Variants in SI observed in about 807,000 individuals in gnomAD.
SI encodes sucrase-isomaltase.
Under a neutral mutation model 253.3 loss-of-function variants are expected in SI, and 235 were observed. The observed-to-expected ratio is 0.93, with a 90% confidence interval of 0.83 to 1.03. SI has a LOEUF of 1.03. Among genes scored for constraint, SI ranks in the 50% least tolerant of loss-of-function variants. The probability of loss-of-function intolerance (pLI) is 0.00; values close to 1 mark genes in which losing one functional copy is unlikely to be tolerated. For synonymous variants in SI, 819 were observed against 712.0 expected (o/e 1.15, Z -2.39); for missense variants, 2,442 against 2,211.1 (o/e 1.10, Z -2.09).
upstream of SI, among the ~76,000 whole-genome samples, chr3:165,079,022 T>C (rs1474896601): frequency 2.0e-5 from 3 of 151,632 alleles, no homozygotes; most frequent in African/African-American, 7.3e-5. Context: ...GGTGCCCAGA[T>C]CAGTAATTTA....
chr3:165,066,015 G>C (rs1437938338), intron 6 of SI, among the ~76,000 whole-genome samples: 3 of 151,790 alleles, frequency 2.0e-5, no homozygotes, highest in African/African-American at 7.3e-5. Context: ...ATATCTGTGA[G>C]TTCTGAATTC....
At chr3:165,027,769 C>T (rs916536950) in intron 25 of SI, among the ~76,000 whole-genome samples, 9 of 149,632 alleles carry the variant, frequency 6.0e-5, no homozygotes, top group African/African-American at 1.9e-4. Flanking sequence ...TCAGCAAAAT[C>T]GGCAAACAAG....
At chr3:164,994,155 A>G in intron 41 of SI, 102 bp downstream of exon 41, 1 of 1,047,844 alleles carries the variant, frequency 9.5e-7, no homozygotes, top group Non-Finnish European at 1.4e-6. Context: ...CAATGGAAAA[A>G]CTGCCAATCT....
intron 1 of SI, among the ~76,000 whole-genome samples, chr3:165,076,445 C>T (rs73163481): frequency 2.7e-3 from 405 of 151,848 alleles, no homozygotes; most frequent in Admixed American, 3.4e-3. Flanking sequence ...TTTTACTGAT[C>T]AGGAACTTTA....
At chr3:165,042,889 T>C (rs1712917446) in intron 17 of SI, among the ~76,000 whole-genome samples, 170 bp downstream of exon 17, 1 of 152,070 alleles carries the variant, frequency 6.6e-6, no homozygotes, top group African/African-American at 2.4e-5. Flanking sequence ...TTTTAAAAAA[T>C]GTAAAAATAT....
At chr3:165,030,474 A>G (rs994111310) in intron 25 of SI, among the ~76,000 whole-genome samples, 2 of 150,934 alleles carry the variant, frequency 1.3e-5, no homozygotes, top group African/African-American at 4.8e-5. Context: ...ACATTATCCA[A>G]AGTTCCTGGA....
intron 25 of SI, among the ~76,000 whole-genome samples, chr3:165,029,564 T>G (rs554331295): frequency 2.5e-3 from 242 of 96,096 alleles, no homozygotes; most frequent in Non-Finnish European, 4.6e-3. Flanking sequence ...ATAAAAAAAC[T>G]GTGGTGTATA....
intron 16 of SI, among the ~76,000 whole-genome samples, chr3:165,044,289 C>A (rs777664483): frequency 1.3e-5 from 2 of 151,850 alleles, no homozygotes; most frequent in African/African-American, 4.8e-5. Context: ...AAAACATATT[C>A]TTATTCTATG....
intron 40 of SI, 103 bp from the exon 41 acceptor site, chr3:164,994,508 T>C: frequency 1.7e-6 from 2 of 1,190,138 alleles, no homozygotes; most frequent in Non-Finnish European, 2.5e-6. Context: ...ATGATATTAA[T>C]TGATTGTCAT....
chr3:165,024,722 TTTTA>T (rs1241940594), intron 25 of SI, among the ~76,000 whole-genome samples: 1 of 151,280 alleles, frequency 6.6e-6, no homozygotes, highest in Non-Finnish European at 1.5e-5. Context: ...CATAAACTGA[TTTTA>T]TTTTTCTCAT....
the SI span, among the ~76,000 whole-genome samples, chr3:165,084,096 G>C: frequency 1.7e-4 from 26 of 152,090 alleles, no homozygotes; most frequent in South Asian, 5.2e-3. Context: ...TTAGGTCATT[G>C]AGATGGAGCT....
intron 12 of SI, 31 bp from the exon 13 acceptor site, chr3:165,055,338 T>G: frequency 3.6e-6 from 4 of 1,118,050 alleles, no homozygotes; most frequent in Non-Finnish European, 5.4e-6. Context: ...CATATATACA[T>G]AAAAAATAGA....
At position 165,068,783 on chromosome 3, in the gene SI, T is replaced by C. The variant is rs750149275; in HGVS notation, c.422A>G (p.Asn141Ser). 1.9e-6 allele frequency: 3 copies of C among 1,613,846 alleles called. No individual in the cohort carries two copies. Among genetic ancestry groups the C allele is most frequent in the East Asian group, 4.5e-5 (2 of 44,864 alleles). ...TGTGAAGAGAACACTGTTGATGTCA[T>C]TTCCAAATAGTGTAGGTGAAGGTAT... ...NRIPSPTLFG[N>S]DINSVLFTTQ... The change falls in exon 5 of 48, where the codon AAT becomes AGT. Residue 141 changes from asparagine (N) to serine (S), a missense_variant. Asn to Ser is a conservative substitution (Grantham distance 46, BLOSUM62 1). Coordinates refer to ENST00000264382, the MANE Select transcript of SI (RefSeq NM_001041.4).
At chr3:165,034,481 G>A (rs1712419400) in intron 22 of SI, among the ~76,000 whole-genome samples, 1 of 152,024 alleles carries the variant, frequency 6.6e-6, no homozygotes, top group East Asian at 1.9e-4. Context: ...GCAATGTTAA[G>A]TTCAGCTGAA....
chr3:164,996,308 A>T (rs1452476817), intron 40 of SI, among the ~76,000 whole-genome samples: 1 of 151,730 alleles, frequency 6.6e-6, no homozygotes, highest in East Asian at 1.9e-4. Flanking sequence ...GCATCATGAA[A>T]TTTAGTGCTT....
At chr3:165,067,043 G>A (rs141077818) in intron 6 of SI, among the ~76,000 whole-genome samples, 1 of 151,828 alleles carries the variant, frequency 6.6e-6, no homozygotes, top group Non-Finnish European at 1.5e-5. Flanking sequence ...ATAAATATAA[G>A]GGGGAAAGAC....
chr3:165,067,520 C>T (rs770349653), intron 5 of SI, 29 bp from the exon 6 acceptor site: 1 of 1,567,356 alleles, frequency 6.4e-7, no homozygotes, highest in Middle Eastern at 1.8e-4. Context: ...GGTAGCATTA[C>T]TGGATTCTAA....
chr3:165,075,252 A>G (rs999115573), intron 2 of SI, among the ~76,000 whole-genome samples: 2 of 152,016 alleles, frequency 1.3e-5, no homozygotes, highest in South Asian at 4.1e-4. Context: ...TAGGTAAAAC[A>G]AAAGATTAAC....
At chr3:165,006,491 C>T (rs941882796) in intron 37 of SI, among the ~76,000 whole-genome samples, 2 of 152,090 alleles carry the variant, frequency 1.3e-5, no homozygotes, top group African/African-American at 4.8e-5. Flanking sequence ...GTTATTAATT[C>T]ATTTATAAAT....
Sources: allele counts gnomAD v4.1 joint callset (sites outside exome capture counted in the v4.1 genomes callset), GRCh38; gene constraint gnomAD v4.1.1; transcripts MANE v1.5; gene names NCBI Gene and HGNC (gene_info 2026-07-23, HGNC 2026-07-21).